Variants in DSC3 observed in about 807,000 individuals in gnomAD.
The protein encoded by DSC3 is desmocollin 3.
A neutral mutation model predicts 89.5 loss-of-function variants in DSC3; 97 were observed. The observed-to-expected ratio is 1.08, with a 90% confidence interval of 0.92 to 1.28. The LOEUF (loss-of-function observed/expected upper bound fraction) is 1.28, where lower values mean the gene tolerates loss of function less well. DSC3 is among the 50% of genes most tolerant of loss of function. The probability of loss-of-function intolerance (pLI) is 0.00; values close to 1 mark genes in which losing one functional copy is unlikely to be tolerated. For synonymous variants in DSC3, 436 were observed against 384.1 expected (o/e 1.14, Z -1.58); for missense variants, 1,199 against 1,085.3 (o/e 1.10, Z -1.47).
chr18:31,024,807 T>C (rs1306496826), intron 5 of DSC3, among the ~76,000 whole-genome samples: 1 of 152,080 alleles, frequency 6.6e-6, no homozygotes. Context: ...AAAATTATGC[T>C]GGAGAGAACA....
intron 9 of DSC3, among the ~76,000 whole-genome samples, chr18:31,011,799 C>T (rs1054166582): frequency 1.3e-5 from 2 of 151,812 alleles, no homozygotes; most frequent in Non-Finnish European, 1.5e-5. Flanking sequence ...TCGAGACCAG[C>T]CTGGGCAACA....
At chr18:31,034,218 G>T (rs572587510) in intron 1 of DSC3, among the ~76,000 whole-genome samples, 4 of 151,982 alleles carry the variant, frequency 2.6e-5, no homozygotes, top group African/African-American at 9.7e-5. Context: ...ACAGAAAAAC[G>T]GGCAGAGGAT....
At position 30,995,434 on chromosome 18, in the gene DSC3, C is replaced by A. The variant is rs78480425; in HGVS notation, c.2494-1062G>T. Among the ~76,000 whole-genome samples the A allele has an allele frequency of 2.9e-3, 438 of 152,250 alleles. 3 individuals are homozygous for A. The highest frequency in any genetic ancestry group is 0.01 in the African/African-American group (420 of 41,530). On this transcript the variant is annotated intron_variant, in intron 15 of 15. Coordinates refer to ENST00000360428, the MANE Select transcript of DSC3 (RefSeq NM_001941.5). Reference sequence around the variant, plus strand: ...CTACAGCCCTATACCAGAGTATCACCCATTTGCATTCCATTCAAGGATTAA... The same window carrying A: ...CTACAGCCCTATACCAGAGTATCACACATTTGCATTCCATTCAAGGATTAA...
chr18:31,040,647 T>C (rs1392515596), intron 1 of DSC3, among the ~76,000 whole-genome samples: 2 of 152,192 alleles, frequency 1.3e-5, no homozygotes, highest in African/African-American at 4.8e-5. Flanking sequence ...GACTAAAATT[T>C]AACAAGTCTC....
At position 31,018,740 on chromosome 18, in the gene DSC3, A is replaced by G. The variant is rs553684725; in HGVS notation, c.1003T>C (p.Leu335=). The part of the protein sequence containing the change: ...VQDMDGQFFG[L]IGTSTCIITV... ...ATGATACAAGTTGATGTGCCTATCA[A>G]TCCAAAAAACTGGCCATCCATGTCT... The change falls in exon 8 of 16, where the codon TTG becomes CTG. Residue 335 remains leucine, a synonymous_variant. Coordinates refer to ENST00000360428, the MANE Select transcript of DSC3 (RefSeq NM_001941.5). The G allele has an allele frequency of 5.6e-6, 9 of 1,613,880 alleles. No homozygotes were observed. The highest frequency in any genetic ancestry group is 2.2e-5 in the East Asian group (1 of 44,852).
At chr18:31,034,160 A>C (rs1208082048) in intron 1 of DSC3, among the ~76,000 whole-genome samples, 3 of 152,342 alleles carry the variant, frequency 2.0e-5, no homozygotes, top group African/African-American at 7.2e-5. Context: ...ACTTGTATCG[A>C]AAATATTTAA....
chr18:31,029,376 T>A (rs1985703566), intron 4 of DSC3, 133 bp downstream of exon 4: 6 of 1,155,278 alleles, frequency 5.2e-6, no homozygotes, highest in Non-Finnish European at 7.4e-6. Context: ...TCTTTCTCAT[T>A]TTACTTTTGT....
chr18:31,025,650 G>A, intron 5 of DSC3, 110 bp downstream of exon 5: 1 of 1,200,078 alleles, frequency 8.3e-7, no homozygotes, highest in Non-Finnish European at 1.2e-6. Context: ...TTGACTCTAA[G>A]ATACCCTCTA....
rs147341735 is a variant in DSC3 at position 31,018,113 on chromosome 18, G to A, written c.1221C>T (p.Ser407=). The A allele has an allele frequency of 6.2e-6, 10 of 1,612,628 alleles. No individual in the cohort carries two copies. Among genetic ancestry groups the A allele is most frequent in the Middle Eastern group, 1.7e-4 (1 of 6,046 alleles). ...CACCTTCATTAGTTTCTTTGTCTGT[G>A]CTGATTTTGAAATGTCCATTTTCAT... The part of the protein sequence containing the change: ...KGNENGHFKI[S]TDKETNEGVL... Residue 407 remains serine, a synonymous_variant, in exon 9 of 16, where the codon AGC becomes AGT. Coordinates refer to ENST00000360428, the MANE Select transcript of DSC3 (RefSeq NM_001941.5).
At chr18:31,037,525 A>G (rs1467397155) in intron 1 of DSC3, among the ~76,000 whole-genome samples, 1 of 152,198 alleles carries the variant, frequency 6.6e-6, no homozygotes, top group Non-Finnish European at 1.5e-5. Context: ...CAGTTTTGCC[A>G]TTAATTATGA....
At chr18:31,036,798 C>CTTTCTTTCTTTTTTT (rs1555635105) in intron 1 of DSC3, among the ~76,000 whole-genome samples, 1 of 107,424 alleles carries the variant, frequency 9.3e-6, no homozygotes, top group African/African-American at 3.6e-5. Flanking sequence ...TTCTTTCTTC[C>CTTTCTTTCTTTTTTT]TTTTTTTTTT....
intron 1 of DSC3, among the ~76,000 whole-genome samples, chr18:31,037,109 A>G (rs970145173): frequency 6.6e-5 from 10 of 152,066 alleles, no homozygotes; most frequent in Non-Finnish European, 4.4e-5. Context: ...TTTGTTTTTC[A>G]ATAAAGCTTT....
intron 1 of DSC3, among the ~76,000 whole-genome samples, chr18:31,035,707 G>C (rs1346462145): frequency 6.6e-6 from 1 of 151,574 alleles, no homozygotes; most frequent in Non-Finnish European, 1.5e-5. Flanking sequence ...TGCCCATCTA[G>C]ATCTTTAAAA....
intron 1 of DSC3, among the ~76,000 whole-genome samples, chr18:31,034,958 A>G (rs1227311398): frequency 6.6e-6 from 1 of 152,160 alleles, no homozygotes; most frequent in African/African-American, 2.4e-5. Context: ...TTATATCTCA[A>G]TAATGCAGTT....
At chr18:31,012,757 A>G (rs1985113494) in intron 9 of DSC3, among the ~76,000 whole-genome samples, 1 of 152,364 alleles carries the variant, frequency 6.6e-6, no homozygotes, top group Admixed American at 6.5e-5. Flanking sequence ...TAAAATTGAT[A>G]GTAAAAACTT....
intron 9 of DSC3, among the ~76,000 whole-genome samples, chr18:31,010,676 A>C (rs1794434589): frequency 1.3e-5 from 2 of 152,162 alleles, no homozygotes; most frequent in South Asian, 4.1e-4. Context: ...AGATGTTAAC[A>C]ACTCCCTAGA....
intron 1 of DSC3, among the ~76,000 whole-genome samples, chr18:31,033,518 G>T (rs1427418200): frequency 1.3e-5 from 2 of 152,044 alleles, no homozygotes; most frequent in African/African-American, 4.8e-5. Context: ...TTCAACAAAT[G>T]GTGTTGGGAT....
chr18:31,001,089 G>GTGTATGTATATATATATA (rs141615987), intron 14 of DSC3, among the ~76,000 whole-genome samples: 5 of 126,032 alleles, frequency 4.0e-5, no homozygotes, highest in African/African-American at 1.5e-4. Context: ...TTGTGTGTGT[G>GTGTATGTATATATATATA]TATATATATA....
chr18:31,030,921 A>G lies in DSC3; in HGVS notation c.354+52T>C, dbSNP rs276939. ...CTTGTTTCTCTTTGCAATTTTTAAT[A>G]AGAGTATTTTAATGAAAAAATGACT... On this transcript the variant is annotated intron_variant, in intron 3 of 15. Coordinates refer to ENST00000360428, the MANE Select transcript of DSC3 (RefSeq NM_001941.5). 0.35 allele frequency: 526,069 copies of G among 1,494,754 alleles called. 99,195 individuals carry two copies. Among genetic ancestry groups the G allele is most frequent in the East Asian group, 0.73 (31,795 of 43,638 alleles). 92.6% of individuals were successfully genotyped at this position (1,494,754 alleles called of 1,614,324 possible). A position where few individuals can be genotyped will look rare whatever the true frequency, so the allele number is the denominator to read the frequency against.
Sources: gnomAD v4.1 joint callset for allele counts (sites outside exome capture counted in the v4.1 genomes callset) on GRCh38, gnomAD v4.1.1 for gene constraint, MANE v1.5 for transcripts, NCBI Gene and HGNC (gene_info 2026-07-23, HGNC 2026-07-21) for gene names.